Variants in ADGRB3 observed in about 807,000 individuals in gnomAD.
ADGRB3 encodes brain-specific angiogenesis inhibitor 3.
In ADGRB3, 37 loss-of-function variants were observed where a neutral mutation model predicts 193.4. The ratio of observed to expected loss-of-function variants is 0.19; its 90% CI spans 0.15 to 0.25. The LOEUF (loss-of-function observed/expected upper bound fraction) is 0.25. Ranked by LOEUF, ADGRB3 falls within the 10% of genes least tolerant of loss-of-function variation. ADGRB3 has a pLI of 1.00. For missense variants in ADGRB3, 1,637 were observed against 1,852.9 expected (o/e 0.88, Z 2.14); for synonymous variants, 690 against 644.2 (o/e 1.07, Z -1.08).
chr6:69,226,013 C>T (rs142483096), intron 17 of ADGRB3, among the ~76,000 whole-genome samples: 1 of 152,076 alleles, frequency 6.6e-6, no homozygotes, highest in African/African-American at 2.4e-5. Flanking sequence ...TTATTTCTTA[C>T]CATACTCCTT....
chr6:69,305,433 T>C (rs148795972), intron 20 of ADGRB3, among the ~76,000 whole-genome samples: 2,846 of 151,684 alleles, frequency 0.019, 146 homozygotes, highest in African/African-American at 0.066. Flanking sequence ...AATCATGAGA[T>C]AATTTTTCAT....
chr6:68,833,069 T>C (rs960820421), intron 3 of ADGRB3, among the ~76,000 whole-genome samples: 2 of 152,154 alleles, frequency 1.3e-5, no homozygotes, highest in Admixed American at 1.3e-4. Flanking sequence ...TTAAAAGACC[T>C]GTTCCTTTCA....
At chr6:69,329,516 C>T (rs747651410) in intron 22 of ADGRB3, among the ~76,000 whole-genome samples, 8 of 152,036 alleles carry the variant, frequency 5.3e-5, no homozygotes, top group African/African-American at 9.7e-5. Flanking sequence ...GTGAGTTTTG[C>T]GAAATACATA....
intron 17 of ADGRB3, among the ~76,000 whole-genome samples, chr6:69,082,109 A>G (rs902134069): frequency 5.9e-5 from 9 of 152,204 alleles, no homozygotes; most frequent in African/African-American, 2.2e-4. Context: ...TGGTACTACA[A>G]CTGCAAAGTT....
chr6:69,330,569 C>A lies in ADGRB3; in HGVS notation c.3099C>A (p.Val1033=). ...TTGTGGGACCTGCAGCCGCTGTTGTCCTGGTAAACATCAAAATCAACCTAT... is the reference window on the plus strand; with the variant it reads ...TTGTGGGACCTGCAGCCGCTGTTGTACTGGTAAACATCAAAATCAACCTAT... ...YAFVGPAAAV[V]LVNMVIGILV... The change falls in exon 23 of 32, where the codon GTC becomes GTA. Residue 1033 remains valine, a synonymous_variant. Transcript: ENST00000370598. 6.2e-7 allele frequency: 1 copy of A among 1,605,766 alleles called. No individual in the cohort carries two copies. The highest frequency in any genetic ancestry group is 8.5e-7 in the Non-Finnish European group (1 of 1,175,698).
intron 3 of ADGRB3, among the ~76,000 whole-genome samples, chr6:68,869,209 T>C (rs542815855): frequency 6.6e-6 from 1 of 152,232 alleles, no homozygotes; most frequent in South Asian, 2.1e-4. Context: ...TTTCTAAATA[T>C]AGGAAACTAA....
At chr6:68,996,917 G>C (rs1289129170) in intron 11 of ADGRB3, among the ~76,000 whole-genome samples, 1 of 151,952 alleles carries the variant, frequency 6.6e-6, no homozygotes, top group African/African-American at 2.4e-5. Context: ...CAAAAGTAGT[G>C]GTAATAATCA....
intron 17 of ADGRB3, among the ~76,000 whole-genome samples, chr6:69,210,170 A>ATATATATATATG (rs70987458): frequency 2.3e-5 from 3 of 131,774 alleles, no homozygotes; most frequent in African/African-American, 9.0e-5. Flanking sequence ...ATATATATAT[A>ATATATATATATG]AAGGGGAGTT....
At chr6:68,790,013 T>A (rs1767067881) in intron 3 of ADGRB3, among the ~76,000 whole-genome samples, 1 of 152,202 alleles carries the variant, frequency 6.6e-6, no homozygotes, top group African/African-American at 2.4e-5. Flanking sequence ...TCAGGTCCTT[T>A]AAGGACTTCT....
At chr6:68,940,081 A>G (rs1473391614) in intron 5 of ADGRB3, among the ~76,000 whole-genome samples, 5 of 152,242 alleles carry the variant, frequency 3.3e-5, no homozygotes, top group Non-Finnish European at 5.9e-5. Context: ...TGTTACTTCA[A>G]TATGGATCCT....
At chr6:68,904,083 G>A (rs1290954347) in intron 3 of ADGRB3, among the ~76,000 whole-genome samples, 4 of 130,900 alleles carry the variant, frequency 3.1e-5, no homozygotes, top group African/African-American at 1.1e-4. Flanking sequence ...GGGAGGGCTG[G>A]AGGGCGGGAG....
intron 17 of ADGRB3, among the ~76,000 whole-genome samples, chr6:69,094,714 C>T (rs1220419876): frequency 1.3e-5 from 2 of 152,086 alleles, no homozygotes; most frequent in South Asian, 2.1e-4. Flanking sequence ...AGGTTTTAAA[C>T]TTGAACAATT....
chr6:68,720,139 T>C (rs1332706560), intron 3 of ADGRB3, among the ~76,000 whole-genome samples: 1 of 151,682 alleles, frequency 6.6e-6, no homozygotes, highest in Non-Finnish European at 1.5e-5. Context: ...TGTTTAAGCC[T>C]ATGGACCTGC....
At chr6:68,746,772 A>C (rs1473683771) in intron 3 of ADGRB3, among the ~76,000 whole-genome samples, 1 of 152,080 alleles carries the variant, frequency 6.6e-6, no homozygotes, top group Non-Finnish European at 1.5e-5. Flanking sequence ...AATCCTTTTA[A>C]ACTAACATTT....
chr6:69,068,289 C>T (rs953119905), intron 16 of ADGRB3, among the ~76,000 whole-genome samples: 3 of 152,034 alleles, frequency 2.0e-5, no homozygotes, highest in Non-Finnish European at 4.4e-5. Flanking sequence ...TCTGCTATAA[C>T]CCCATATAAT....
chr6:68,991,705 A>G (rs532456781), intron 10 of ADGRB3, among the ~76,000 whole-genome samples: 1 of 152,266 alleles, frequency 6.6e-6, no homozygotes, highest in Middle Eastern at 3.4e-3. Flanking sequence ...AAACTAGAGC[A>G]TGTAGGGCAC....
intron 3 of ADGRB3, among the ~76,000 whole-genome samples, chr6:68,831,070 TACAG>T (rs1767942831): frequency 6.6e-6 from 1 of 151,628 alleles, no homozygotes; most frequent in African/African-American, 2.4e-5. Flanking sequence ...ATCCTGGAAA[TACAG>T]ACAAAGTGGG....
chr6:68,885,359 ATAT>A (rs746440517), intron 3 of ADGRB3, among the ~76,000 whole-genome samples: 6 of 152,132 alleles, frequency 3.9e-5, no homozygotes, highest in Non-Finnish European at 8.8e-5. Flanking sequence ...ATTTTAAATA[ATAT>A]TAATTGAACA....
chr6:68,769,530 G>A (rs1375452523), intron 3 of ADGRB3, among the ~76,000 whole-genome samples: 1 of 152,092 alleles, frequency 6.6e-6, no homozygotes, highest in Non-Finnish European at 1.5e-5. Flanking sequence ...ACACACTGGA[G>A]CCTGTTGGAG....
Sources: gnomAD v4.1 joint callset for allele counts (sites outside exome capture counted in the v4.1 genomes callset) on GRCh38, gnomAD v4.1.1 for gene constraint, MANE v1.5 for transcripts, NCBI Gene and HGNC (gene_info 2026-07-23, HGNC 2026-07-21) for gene names.